OPCML: variants seen among roughly 807,000 people sequenced by gnomAD.
The protein encoded by OPCML is opioid-binding protein/cell adhesion molecule.
A neutral mutation model predicts 37.8 loss-of-function variants in OPCML; 13 were observed. The observed-to-expected ratio is 0.34, with a 90% confidence interval of 0.22 to 0.55. OPCML has a LOEUF of 0.55. Ranked by LOEUF, OPCML falls within the 20% of genes least tolerant of loss-of-function variation. OPCML has a pLI of 0.91. For missense variants in OPCML, 341 were observed against 435.6 expected, an observed-to-expected ratio of 0.78 and a Z score of 1.93; for synonymous variants, 176 against 168.8, an observed-to-expected ratio of 1.04 and a Z score of -0.33.
At chr11:132,637,863 G>A (rs1014976903) in intron 3 of OPCML, among the ~76,000 whole-genome samples, 1 of 151,992 alleles carries the variant, frequency 6.6e-6, no homozygotes, top group African/African-American at 2.4e-5. Context: ...GGGACCCAGA[G>A]GTCACCTGCT....
chr11:132,425,709 C>T (rs1361510497), intron 7 of OPCML, among the ~76,000 whole-genome samples: 3 of 152,222 alleles, frequency 2.0e-5, no homozygotes, highest in Non-Finnish European at 2.9e-5. Context: ...TACTCTCCAA[C>T]ACCAGCTGAA....
intron 1 of OPCML, among the ~76,000 whole-genome samples, chr11:133,459,739 A>C (rs1390225908): frequency 6.6e-6 from 1 of 152,016 alleles, no homozygotes; most frequent in Non-Finnish European, 1.5e-5. Flanking sequence ...AACATGAAAG[A>C]ATTGGAAGGA....
At chr11:133,048,328 C>G (rs142772975) in intron 1 of OPCML, among the ~76,000 whole-genome samples, 8 of 152,130 alleles carry the variant, frequency 5.3e-5, no homozygotes, top group African/African-American at 1.9e-4. Flanking sequence ...CGTTGAGTTT[C>G]AAATACAAGC....
intron 3 of OPCML, among the ~76,000 whole-genome samples, chr11:132,615,507 A>C (rs1320499897): frequency 1.3e-5 from 2 of 152,232 alleles, no homozygotes; most frequent in African/African-American, 4.8e-5. Flanking sequence ...TACAGCAATA[A>C]AAATAACCAT....
chr11:132,765,213 C>G (rs1946395506), intron 2 of OPCML, among the ~76,000 whole-genome samples: 1 of 152,180 alleles, frequency 6.6e-6, no homozygotes, highest in African/African-American at 2.4e-5. Context: ...TTGACCTCAT[C>G]CACAGTCTTG....
chr11:132,466,501 C>A (rs2096120624), intron 4 of OPCML, among the ~76,000 whole-genome samples: 1 of 147,938 alleles, frequency 6.8e-6, no homozygotes. Flanking sequence ...AAAAAAAAAG[C>A]TTGCTTCAAT....
chr11:132,563,031 T>C (rs1186670712), intron 3 of OPCML, among the ~76,000 whole-genome samples: 2 of 152,158 alleles, frequency 1.3e-5, no homozygotes, highest in Non-Finnish European at 2.9e-5. Context: ...TTTTCAGTAG[T>C]ATAGAGAAAA....
chr11:133,253,303 G>A (rs1941203768), intron 1 of OPCML, among the ~76,000 whole-genome samples: 2 of 152,036 alleles, frequency 1.3e-5, no homozygotes, highest in South Asian at 2.1e-4. Flanking sequence ...GTCAGTGCAA[G>A]TCACATTTTA....
At chr11:133,058,140 TTAACTA>T (rs1948273905) in intron 1 of OPCML, among the ~76,000 whole-genome samples, 2 of 152,200 alleles carry the variant, frequency 1.3e-5, no homozygotes, top group Non-Finnish European at 2.9e-5. Context: ...AGGCAAATAA[TTAACTA>T]TAATATAATG....
chr11:133,341,630 A>G (rs556582131), intron 1 of OPCML, among the ~76,000 whole-genome samples: 1 of 152,344 alleles, frequency 6.6e-6, no homozygotes, highest in African/African-American at 2.4e-5. Context: ...ATGCTTTTGC[A>G]GCAGTTGGCC....
At chr11:133,024,488 G>A (rs574273012) in intron 1 of OPCML, 5 of 985,214 alleles carry the variant, frequency 5.1e-6, no homozygotes, top group Non-Finnish European at 6.0e-6. Context: ...AGGTTTCACG[G>A]GTAATGAGAT....
chr11:133,320,699 C>T (rs1481725787), intron 1 of OPCML, among the ~76,000 whole-genome samples: 2 of 152,198 alleles, frequency 1.3e-5, no homozygotes, highest in Non-Finnish European at 2.9e-5. Flanking sequence ...TCTCTGGAAA[C>T]ATCCCAATCA....
In OPCML at chr11:132,741,922, G is replaced by A. The variant is rs1191669627; in HGVS notation, c.147-84603C>T. ...TGCATGCCTGTAATCCCAGCTACTC[G>A]GGAGGCTGAGGCAGGAGAATCACTT... On this transcript the variant is annotated intron_variant, in intron 2 of 7. Transcript: ENST00000524381. Among the ~76,000 whole-genome samples the A allele has an allele frequency of 6.6e-5, 10 of 151,944 alleles. No individual in the cohort carries two copies. The East Asian group carries it at 7.8e-4, about 12-fold the overall frequency.
At chr11:133,185,048 A>T (rs1206030778) in intron 1 of OPCML, among the ~76,000 whole-genome samples, 1 of 152,230 alleles carries the variant, frequency 6.6e-6, no homozygotes, top group East Asian at 1.9e-4. Flanking sequence ...ACTTCTACAA[A>T]GCCAACCCAG....
At chr11:132,445,781 A>T (rs1367699574) in intron 4 of OPCML, among the ~76,000 whole-genome samples, 1 of 152,192 alleles carries the variant, frequency 6.6e-6, no homozygotes, top group African/African-American at 2.4e-5. Context: ...AGTTCCAGTT[A>T]CACATGTATG....
chr11:132,848,955 A>G (rs1263599740), intron 2 of OPCML, among the ~76,000 whole-genome samples: 1 of 152,212 alleles, frequency 6.6e-6, no homozygotes, highest in African/African-American at 2.4e-5. Flanking sequence ...AAGATAAATC[A>G]CTAGCTCCAG....
At position 133,212,858 on chromosome 11, in the gene OPCML, C is replaced by A. The variant is rs192909392; in HGVS notation, c.62-269848G>T. Among the ~76,000 whole-genome samples, 1 of 152,302 alleles carries A rather than the reference C, an allele frequency of 6.6e-6. No individual in the cohort carries two copies. On this transcript the variant is annotated intron_variant, in intron 1 of 7. Transcript: ENST00000524381. This position sits in a 1 kb window ranked among gnomAD's most constrained non-coding sequence, Gnocchi z 4.9. ...ACACTGCACCCTTTGTATGGGTTTC[C>A]ATACTCTAAAATTCCACGTTTGTAT...
At chr11:133,269,832 T>A (rs1941773472) in intron 1 of OPCML, among the ~76,000 whole-genome samples, 1 of 152,180 alleles carries the variant, frequency 6.6e-6, no homozygotes, top group African/African-American at 2.4e-5. Context: ...GAAGAGAGTA[T>A]TGTGCAAAGG....
intron 1 of OPCML, among the ~76,000 whole-genome samples, chr11:133,002,118 A>G (rs1947016825): frequency 6.6e-6 from 1 of 152,238 alleles, no homozygotes; most frequent in Non-Finnish European, 1.5e-5. Flanking sequence ...TAAAAATAAA[A>G]TAAAAACAAA....
Sources: gnomAD v4.1 joint callset for allele counts (sites outside exome capture counted in the v4.1 genomes callset) on GRCh38, gnomAD v4.1.1 for gene constraint, Gnocchi (gnomAD v3.1) non-coding constraint, MANE v1.5 for transcripts, NCBI Gene and HGNC (gene_info 2026-07-23, HGNC 2026-07-21) for gene names.